Variants in PDZD2 observed in about 807,000 individuals in gnomAD.
The protein encoded by PDZD2 is PDZ domain-containing protein 2.
A neutral mutation model predicts 220.7 loss-of-function variants in PDZD2; 90 were observed. That is an observed-to-expected ratio of 0.41 (90% confidence interval 0.34 to 0.49). The LOEUF (loss-of-function observed/expected upper bound fraction) is 0.49, where lower values mean the gene tolerates loss of function less well. Among genes scored for constraint, PDZD2 ranks in the 20% least tolerant of loss-of-function variants. The pLI is 0.28. For synonymous variants in PDZD2, 1,375 were observed against 1,450.5 expected (o/e 0.95, Z 1.18); for missense variants, 3,174 against 3,608.5 (o/e 0.88, Z 3.08).
intron 1 of PDZD2, among the ~76,000 whole-genome samples, chr5:31,682,719 G>A (rs1027399990): frequency 4.8e-5 from 6 of 125,406 alleles, no homozygotes; most frequent in African/African-American, 1.8e-4. Context: ...GTGTGTGTGT[G>A]TACATGGTTT....
intron 2 of PDZD2, among the ~76,000 whole-genome samples, chr5:31,809,809 T>C (rs1310885104): frequency 1.3e-5 from 2 of 152,260 alleles, no homozygotes; most frequent in South Asian, 4.1e-4. Flanking sequence ...AGAGCGACTT[T>C]CCATCATTTA....
intron 2 of PDZD2, among the ~76,000 whole-genome samples, chr5:31,907,417 C>T (rs1742753663): frequency 6.6e-6 from 1 of 152,168 alleles, no homozygotes; most frequent in African/African-American, 2.4e-5. Flanking sequence ...AATTACCTCC[C>T]GAAGCCCTTA....
At chr5:31,699,127 C>G (rs1215463554) in intron 1 of PDZD2, among the ~76,000 whole-genome samples, 1 of 152,062 alleles carries the variant, frequency 6.6e-6, no homozygotes, top group African/African-American at 2.4e-5. Context: ...TTGTGAAGAC[C>G]CTGTCTTCAC....
chr5:31,848,125 C>T, intron 2 of PDZD2: 1 of 312,408 alleles, frequency 3.2e-6, no homozygotes, highest in Non-Finnish European at 6.2e-6. Context: ...CAAGCTTCCT[C>T]AGAGCTCAGG....
chr5:31,678,144 C>G (rs562702154), intron 1 of PDZD2, among the ~76,000 whole-genome samples: 8 of 152,312 alleles, frequency 5.3e-5, no homozygotes, highest in African/African-American at 1.7e-4. Context: ...GAGCATTTCC[C>G]TAGGGCAGGC....
At chr5:32,058,203 T>C (rs2112330956) in intron 12 of PDZD2, 100 bp downstream of exon 12, 1 of 699,536 alleles carries the variant, frequency 1.4e-6, no homozygotes, top group Admixed American at 2.3e-5. Flanking sequence ...AATTATTCCT[T>C]TGGTACAATC....
At chr5:31,873,578 T>TTTATTTAA (rs1739029493) in intron 2 of PDZD2, among the ~76,000 whole-genome samples, 1 of 148,720 alleles carries the variant, frequency 6.7e-6, no homozygotes, top group Non-Finnish European at 1.5e-5. Flanking sequence ...TATTTATTTA[T>TTTATTTAA]TTAATAAAGC....
chr5:31,867,275 C>G (rs1194364025), intron 2 of PDZD2, among the ~76,000 whole-genome samples: 1 of 152,240 alleles, frequency 6.6e-6, no homozygotes, highest in Admixed American at 6.5e-5. Flanking sequence ...TTCAGCGCAG[C>G]CCCAGTGTAT....
intron 6 of PDZD2, among the ~76,000 whole-genome samples, chr5:32,035,049 GCC>G: frequency 6.6e-6 from 1 of 152,212 alleles, no homozygotes; most frequent in East Asian, 1.9e-4. Flanking sequence ...TTTTCTCAAT[GCC>G]CCTTTCTCAA....
intron 2 of PDZD2, among the ~76,000 whole-genome samples, chr5:31,862,875 C>T (rs967959107): frequency 4.6e-5 from 7 of 152,036 alleles, no homozygotes; most frequent in African/African-American, 7.2e-5. Context: ...TACAGGCACG[C>T]GCCGCTACGC....
chr5:31,790,228 G>T (rs1753621992), intron 1 of PDZD2, among the ~76,000 whole-genome samples: 4 of 152,080 alleles, frequency 2.6e-5, no homozygotes, highest in South Asian at 4.1e-4. Flanking sequence ...CTCCCGAGTA[G>T]CTAGGACTAC....
intron 2 of PDZD2, among the ~76,000 whole-genome samples, chr5:31,930,529 G>A (rs1745188406): frequency 6.6e-6 from 1 of 152,062 alleles, no homozygotes; most frequent in African/African-American, 2.4e-5. Context: ...ACAAAAGCCT[G>A]AATAACACAG....
chr5:31,811,041 T>C (rs375913910), intron 2 of PDZD2, among the ~76,000 whole-genome samples: 1 of 152,154 alleles, frequency 6.6e-6, no homozygotes, highest in East Asian at 1.9e-4. Context: ...CAGAGCACAA[T>C]GGCACGATCT....
rs923903511 is a variant in PDZD2 at position 31,799,096 on chromosome 5, C to T, written c.-153C>T. 1 of 600,624 alleles carries T rather than the reference C, an allele frequency of 1.7e-6. No individual in the cohort carries two copies. Among genetic ancestry groups the T allele is most frequent in the African/African-American group, 1.9e-5 (1 of 53,870 alleles). 37.2% of individuals were successfully genotyped at this position (600,624 alleles called of 1,614,324 possible). A position where few individuals can be genotyped will look rare whatever the true frequency, so the allele number is the denominator to read the frequency against. On this transcript the variant is annotated 5_prime_UTR_variant, in exon 2 of 25. Transcript: ENST00000438447. ...CTCCTGCCAAGGCAAACAGCATAGT[C>T]TCGAGTAGGTGTCCCTAGGCTCATC...
chr5:31,755,853 G>A (rs1751277847), intron 1 of PDZD2, among the ~76,000 whole-genome samples: 1 of 152,040 alleles, frequency 6.6e-6, no homozygotes, highest in African/African-American at 2.4e-5. Flanking sequence ...GGAGGAGCGG[G>A]GCCAAGCAGC....
At chr5:31,690,465 A>G (rs4867369) in intron 1 of PDZD2, among the ~76,000 whole-genome samples, 28,773 of 152,084 alleles carry the variant, frequency 0.19, 2,976 homozygotes, top group East Asian at 0.31. Flanking sequence ...TTCAACCAAC[A>G]GACATCTGTT....
At chr5:31,779,082 A>T (rs938812179) in intron 1 of PDZD2, among the ~76,000 whole-genome samples, 2 of 152,118 alleles carry the variant, frequency 1.3e-5, no homozygotes, top group African/African-American at 4.8e-5. Context: ...AACCACCAAT[A>T]ACCAAAACCC....
At chr5:31,820,643 G>A (rs1755782468) in intron 2 of PDZD2, 1 of 151,852 alleles carries the variant, frequency 6.6e-6, no homozygotes, top group South Asian at 2.1e-4. Flanking sequence ...AAATGCTTGT[G>A]ATCTTGACTA....
At chr5:31,684,041 G>T (rs1041075015) in intron 1 of PDZD2, among the ~76,000 whole-genome samples, 6 of 151,976 alleles carry the variant, frequency 3.9e-5, no homozygotes, top group Non-Finnish European at 8.8e-5. Context: ...AAAAGCAAAG[G>T]CAATTGCCTC....
Sources: allele counts gnomAD v4.1 joint callset (sites outside exome capture counted in the v4.1 genomes callset), GRCh38; gene constraint gnomAD v4.1.1; transcripts MANE v1.5; gene names NCBI Gene and HGNC (gene_info 2026-07-23, HGNC 2026-07-21).